Variants in DLG5 observed in about 807,000 individuals in gnomAD.
DLG5 encodes discs large MAGUK scaffold protein 5.
In DLG5, 48 loss-of-function variants were observed where a neutral mutation model predicts 189.8. The ratio of observed to expected loss-of-function variants is 0.25; its 90% CI spans 0.20 to 0.32. DLG5 has a LOEUF of 0.32. Ranked by LOEUF, DLG5 falls within the 10% of genes least tolerant of loss-of-function variation. The pLI, the probability that DLG5 is intolerant of heterozygous loss-of-function variation, is 1.00. For synonymous variants in DLG5, 1,016 were observed against 1,054.1 expected, an observed-to-expected ratio of 0.96 and a Z score of 0.70; for missense variants, 2,160 against 2,544.7, an observed-to-expected ratio of 0.85 and a Z score of 3.25.
At chr10:77,885,787 A>G (rs1007660910) in intron 1 of DLG5, among the ~76,000 whole-genome samples, 28 of 152,182 alleles carry the variant, frequency 1.8e-4, no homozygotes, top group Non-Finnish European at 2.2e-4. Context: ...CATCCCCTCT[A>G]CCGTCCAGCC....
intron 15 of DLG5, 74 bp from the exon 16 acceptor site, chr10:77,820,092 T>A: frequency 6.3e-7 from 1 of 1,584,912 alleles, no homozygotes; most frequent in Non-Finnish European, 8.5e-7. Context: ...ACACCTATAA[T>A]CCCAGCACTC....
At chr10:77,809,803 G>A (rs1445401651) in intron 23 of DLG5, 73 bp from the exon 24 acceptor site, 4 of 1,503,178 alleles carry the variant, frequency 2.7e-6, no homozygotes, top group African/African-American at 1.4e-5. Flanking sequence ...AGTGGCCAAT[G>A]CCCTAACCGC....
intron 1 of DLG5, among the ~76,000 whole-genome samples, chr10:77,916,587 C>T (rs536392693): frequency 4.6e-5 from 7 of 152,132 alleles, no homozygotes; most frequent in South Asian, 2.1e-4. Flanking sequence ...CCACCACGCC[C>T]GGCCAAAAAC....
chr10:77,805,572 A>G, intron 27 of DLG5, 93 bp downstream of exon 27: 3 of 1,393,268 alleles, frequency 2.2e-6, no homozygotes, highest in South Asian at 1.4e-5. Flanking sequence ...GCAAAGTAAG[A>G]CTCTCTTTTG....
rs139351922 is a variant in DLG5, at chr10:77,843,489, G to T, written c.1082C>A (p.Thr361Lys). The change falls in exon 6 of 32, where the codon ACG becomes AAG. Residue 361 changes from threonine (T) to lysine (K), a missense_variant. Physicochemically the swap from Thr to Lys is moderately conservative, Grantham distance 78. Around this residue, in one of 5 missense-constraint regions of DLG5, gnomAD observed 664 missense variants for 838.5 expected, o/e 0.79. Coordinates refer to ENST00000372391, the MANE Select transcript of DLG5 (RefSeq NM_004747.4). Reference protein sequence around the residue: ...QTEMLTQQRDTAIQLQHQCAL... With the variant: ...QTEMLTQQRDKAIQLQHQCAL... ...GCACTGGTGCTGCAGCTGGATGGCC[G>T]TGTCCCTCTGCTGGGTCAGCATCTC... The T allele has an allele frequency of 6.2e-7, 1 of 1,614,096 alleles. No individual in the cohort carries two copies. The highest frequency in any genetic ancestry group is 8.5e-7 in the Non-Finnish European group (1 of 1,180,046).
chr10:77,841,390 A>G (rs757719634), intron 7 of DLG5, among the ~76,000 whole-genome samples: 1 of 152,216 alleles, frequency 6.6e-6, no homozygotes, highest in Non-Finnish European at 1.5e-5. Context: ...CTACTAGCAC[A>G]TCTTCCCAGC....
Position 77,821,838 on chromosome 10 carries a change from C to G in DLG5, c.2646G>C (p.Gln882His), listed in dbSNP as rs41274588. The G allele has an allele frequency of 3.2e-4, 524 of 1,613,858 alleles. 1 individual carries two copies. Among genetic ancestry groups the G allele is most frequent in the Middle Eastern group, 4.9e-4 (3 of 6,062 alleles). Residue 882 changes from glutamine (Q) to histidine (H), a missense_variant, in exon 15 of 32, where the codon CAG becomes CAC. By Grantham distance (24) the Gln-to-His change is conservative. Transcript: ENST00000372391. ...FPGGPLQVCP[Q>H]ACPSASERSL... ...TACGCTCAGAGGCACTGGGACAGGC[C>G]TGGGGGCAGACCTGCAAGGGTCCCC...
intron 27 of DLG5, among the ~76,000 whole-genome samples, chr10:77,804,543 C>A (rs1330962279): frequency 6.6e-6 from 1 of 152,224 alleles, no homozygotes; most frequent in Non-Finnish European, 1.5e-5. Context: ...GCCACCCCCA[C>A]ACCTGATTGC....
Position 77,806,738 on chromosome 10 carries a change from C to CCCCCCCCCCCCCCCCCCCAAAAACAA in DLG5, c.4967+19_4967+20insTTGTTTTTGGGGGGGGGGGGGGGGGG. 6.4e-7 allele frequency: 1 copy of CCCCCCCCCCCCCCCCCCCAAAAACAA among 1,574,714 alleles called. No individual in the cohort carries two copies. Among genetic ancestry groups the CCCCCCCCCCCCCCCCCCCAAAAACAA allele is most frequent in the Non-Finnish European group, 8.7e-7 (1 of 1,147,900 alleles). ...CGGCGACCCCTGCCCCACCCCACCC[C>CCCCCCCCCCCCCCCCCCCAAAAACAA]AGGCCCGGAGAACACTTACACATAT... On this transcript the variant is annotated intron_variant, in intron 26 of 31. Transcript: ENST00000372391.
At position 77,807,818 on chromosome 10, in the gene DLG5, G is replaced by C; in HGVS notation, c.4774C>G (p.Pro1592Ala). 6.2e-7 allele frequency: 1 copy of C among 1,613,914 alleles called. No homozygotes were observed. The highest frequency in any genetic ancestry group is 8.5e-7 in the Non-Finnish European group (1 of 1,179,876). Residue 1592 changes from proline (P) to alanine (A), a missense_variant, in exon 25 of 32, where the codon CCT (proline) becomes GCT (alanine). Pro to Ala is a conservative substitution (Grantham distance 27). Coordinates refer to ENST00000372391, the MANE Select transcript of DLG5 (RefSeq NM_004747.4). ...TACCTGATGTAGAAGCTGTCACCAG[G>C]CAGGCCCTTGGCCTTCGTGAACTCC... ...PEEFTKAKGL[P>A]GDSFYIRALY...
At chr10:77,818,783 A>C in intron 17 of DLG5, among the ~76,000 whole-genome samples, 2 of 148,420 alleles carry the variant, frequency 1.3e-5, no homozygotes. Flanking sequence ...CACTTCGTTC[A>C]TTTTTTTTTT....
At chr10:77,858,898 A>T (rs1015090566) in intron 2 of DLG5, among the ~76,000 whole-genome samples, 1 of 152,122 alleles carries the variant, frequency 6.6e-6, no homozygotes, top group Non-Finnish European at 1.5e-5. Context: ...TTTTTGAGAC[A>T]GGGTCTTGTT....
At chr10:77,820,544 A>G (rs2154575611) in intron 15 of DLG5, 1 of 167,730 alleles carries the variant, frequency 6.0e-6, no homozygotes, top group African/African-American at 2.4e-5. Context: ...TGAATCTTTC[A>G]CAGAGATCAC....
At chr10:77,810,267 C>T (rs753763398) in intron 23 of DLG5, among the ~76,000 whole-genome samples, 1 of 152,168 alleles carries the variant, frequency 6.6e-6, no homozygotes, top group African/African-American at 2.4e-5. Context: ...GATGGGACAG[C>T]GATGGAAACA....
At chr10:77,819,769 G>A in intron 16 of DLG5, 126 bp downstream of exon 16, 1 of 1,437,136 alleles carries the variant, frequency 7.0e-7, no homozygotes, top group Non-Finnish European at 9.3e-7. Context: ...GCATTTCCCA[G>A]TTCTCTGGAC....
chr10:77,817,018 C>G lies in DLG5; in HGVS notation c.3863G>C (p.Gly1288Ala), dbSNP rs759775527. 18 of 1,613,888 alleles carry G rather than the reference C, an allele frequency of 1.1e-5. No homozygotes were observed. In the East Asian group the frequency reaches 4.0e-4, roughly 36 times the overall value. The change falls in exon 19 of 32, where the codon GGC (glycine) becomes GCC (alanine). Residue 1288 changes from glycine (G) to alanine (A), a missense_variant. By Grantham distance (60) the Gly-to-Ala change is moderately conservative (BLOSUM62 0). Coordinates refer to ENST00000372391, the MANE Select transcript of DLG5 (RefSeq NM_004747.4). Reference sequence around the variant, plus strand: ...CGAGAAGTCCTTACCTCTCTCGGAGCCCACGACACTCCGCGGATATCTTGG... The same window carrying G: ...CGAGAAGTCCTTACCTCTCTCGGAGGCCACGACACTCCGCGGATATCTTGG... ...STPRYPRSVVGSERGSVSHSE... is the reference protein window; with the variant it reads ...STPRYPRSVVASERGSVSHSE...
At chr10:77,903,916 T>C (rs138656853) in intron 1 of DLG5, among the ~76,000 whole-genome samples, 12 of 152,342 alleles carry the variant, frequency 7.9e-5, no homozygotes, top group East Asian at 1.9e-4. Context: ...ATGAAGGTGA[T>C]AGAACTCCTT....
At chr10:77,912,915 G>C (rs1029634368) in intron 1 of DLG5, among the ~76,000 whole-genome samples, 7 of 152,242 alleles carry the variant, frequency 4.6e-5, no homozygotes, top group Admixed American at 4.6e-4. Context: ...ACTGGGTTCT[G>C]TGAACTGTGG....
chr10:77,866,136 T>C (rs944857937), intron 2 of DLG5, among the ~76,000 whole-genome samples: 6 of 152,120 alleles, frequency 3.9e-5, no homozygotes, highest in African/African-American at 1.4e-4. Flanking sequence ...TCTCATCAGG[T>C]GTGGCTGAGC....
Sources: allele counts gnomAD v4.1 joint callset (sites outside exome capture counted in the v4.1 genomes callset), GRCh38; gene constraint gnomAD v4.1.1; regional missense constraint gnomAD v4.1.1; transcripts MANE v1.5; gene names NCBI Gene and HGNC (gene_info 2026-07-23, HGNC 2026-07-21).